SAMD4A: variants seen among roughly 807,000 people sequenced by gnomAD.
The protein encoded by SAMD4A is sterile alpha motif domain containing 4A, also known as protein Smaug homolog 1.
Under a neutral mutation model 81.3 loss-of-function variants are expected in SAMD4A, and 33 were observed. The observed-to-expected ratio is 0.41, with a 90% CI of 0.31 to 0.54. The LOEUF is 0.54. Ranked by LOEUF, SAMD4A falls within the 20% of genes least tolerant of loss-of-function variation. The pLI, the probability that SAMD4A is intolerant of heterozygous loss-of-function variation, is 0.37. For missense variants in SAMD4A, 854 were observed against 951.1 expected (o/e 0.90, Z 1.34); for synonymous variants, 389 against 382.1 (o/e 1.02, Z -0.21).
chr14:54,673,993 G>A (rs575789030), intron 2 of SAMD4A, among the ~76,000 whole-genome samples: 3 of 152,302 alleles, frequency 2.0e-5, no homozygotes, highest in African/African-American at 4.8e-5. Flanking sequence ...CAGACGCCAC[G>A]CTTAGGGCAC....
At chr14:54,731,704 A>G (rs1439899995) in intron 3 of SAMD4A, among the ~76,000 whole-genome samples, 1 of 152,202 alleles carries the variant, frequency 6.6e-6, no homozygotes, top group Non-Finnish European at 1.5e-5. Context: ...ATGAAGAGAG[A>G]CTAGCTTAGA....
chr14:54,678,828 G>A (rs973447170), intron 2 of SAMD4A, among the ~76,000 whole-genome samples: 17 of 152,268 alleles, frequency 1.1e-4, no homozygotes, highest in African/African-American at 3.8e-4. Flanking sequence ...GATTACAGGC[G>A]TGAGCCACCG....
intron 2 of SAMD4A, among the ~76,000 whole-genome samples, chr14:54,662,424 T>TC (rs1594783311): frequency 6.6e-6 from 1 of 151,584 alleles, no homozygotes; most frequent in Non-Finnish European, 1.5e-5. Context: ...ATTTTTTTTT[T>TC]CCTGAGACGG....
chr14:54,715,477 A>G (rs958665699), intron 3 of SAMD4A, among the ~76,000 whole-genome samples: 3 of 152,134 alleles, frequency 2.0e-5, no homozygotes, highest in Non-Finnish European at 2.9e-5. Flanking sequence ...TGTATTCAGC[A>G]TTAACTACAT....
intron 3 of SAMD4A, among the ~76,000 whole-genome samples, chr14:54,732,814 C>T (rs1002041247): frequency 6.6e-6 from 1 of 152,104 alleles, no homozygotes; most frequent in Non-Finnish European, 1.5e-5. Context: ...CATAAACCCC[C>T]TTATTTCTCA....
intron 11 of SAMD4A, chr14:54,784,241 G>A: frequency 2.2e-6 from 2 of 892,340 alleles, no homozygotes; most frequent in Non-Finnish European, 3.6e-6. Context: ...AGGGCAGGAG[G>A]TTGGCTGTTA....
chr14:54,715,038 G>C (rs2037084787), intron 3 of SAMD4A, among the ~76,000 whole-genome samples: 1 of 151,918 alleles, frequency 6.6e-6, no homozygotes, highest in Non-Finnish European at 1.5e-5. Context: ...TTATGAATAG[G>C]AATAGTTTTT....
At position 54,605,564 on chromosome 14, in the gene SAMD4A, G is replaced by A. The variant is rs541599093; in HGVS notation, c.196+37452G>A. ...ATGAGCAGGGAAACCTCACAGGGAT[G>A]AGAATACCTAAACTGACAATTCTCA... On this transcript the variant is annotated intron_variant, in intron 2 of 12. Coordinates refer to ENST00000554335, the MANE Select transcript of SAMD4A (RefSeq NM_015589.6). Among the ~76,000 whole-genome samples the A allele has an allele frequency of 3.3e-4, 50 of 152,292 alleles. 1 individual carries two copies. In the South Asian group the frequency reaches 6.8e-3, roughly 21 times the overall value.
At chr14:54,617,071 T>TA (rs1275663677) in intron 2 of SAMD4A, among the ~76,000 whole-genome samples, 1 of 152,188 alleles carries the variant, frequency 6.6e-6, no homozygotes, top group Non-Finnish European at 1.5e-5. Context: ...AATATATATT[T>TA]AAAAACCATG....
At chr14:54,784,326 C>T in intron 11 of SAMD4A, 1 of 1,546,470 alleles carries the variant, frequency 6.5e-7, no homozygotes, top group Non-Finnish European at 8.8e-7. Flanking sequence ...TTTTTAGTCT[C>T]CGTTTTGTTC....
At chr14:54,781,804 C>A (rs988477998) in intron 11 of SAMD4A, among the ~76,000 whole-genome samples, 1 of 152,254 alleles carries the variant, frequency 6.6e-6, no homozygotes, top group South Asian at 2.1e-4. Context: ...CCCCATACAG[C>A]TGAGGGTTCC....
intron 5 of SAMD4A, among the ~76,000 whole-genome samples, chr14:54,750,831 C>T (rs1298473563): frequency 6.6e-6 from 1 of 152,190 alleles, no homozygotes; most frequent in Non-Finnish European, 1.5e-5. Flanking sequence ...AAATTATCTT[C>T]TAAGGCTGTG....
chr14:54,576,280 CAT>C (rs1220254435), intron 2 of SAMD4A, among the ~76,000 whole-genome samples: 2 of 152,124 alleles, frequency 1.3e-5, no homozygotes, highest in Non-Finnish European at 2.9e-5. Context: ...GTGCACCAAA[CAT>C]GTGATTTAAA....
At chr14:54,617,812 T>C (rs1423974722) in intron 2 of SAMD4A, among the ~76,000 whole-genome samples, 1 of 152,180 alleles carries the variant, frequency 6.6e-6, no homozygotes. Flanking sequence ...TAACCATGCC[T>C]AGCTTGTGAA....
chr14:54,750,144 G>C (rs1188405103), intron 5 of SAMD4A, among the ~76,000 whole-genome samples: 1 of 152,074 alleles, frequency 6.6e-6, no homozygotes, highest in Non-Finnish European at 1.5e-5. Context: ...AAAAATCTAA[G>C]TCATCAGTTG....
Position 54,602,761 on chromosome 14 carries a change from C to A in SAMD4A, c.196+34649C>A, listed in dbSNP as rs534546540. The stretch of plus-strand genomic sequence containing the variant: ...TGTATACATATGTAACAAACCTGCA[C>A]GTTGTGCACATGTACCCTAGAACTT... On this transcript the variant is annotated intron_variant, in intron 2 of 12. Transcript: ENST00000554335. 1.9e-3 allele frequency among the ~76,000 whole-genome samples: 283 copies of A among 150,466 alleles called. 1 individual carries two copies. The Middle Eastern group carries it at 0.038, about 20-fold the overall frequency.
intron 3 of SAMD4A, among the ~76,000 whole-genome samples, chr14:54,722,044 C>T (rs1051719936): frequency 6.6e-6 from 1 of 152,136 alleles, no homozygotes; most frequent in Non-Finnish European, 1.5e-5. Context: ...ATAAAAATCA[C>T]AGAAATAAAT....
At chr14:54,733,137 A>G (rs2037600335) in intron 3 of SAMD4A, among the ~76,000 whole-genome samples, 2 of 152,214 alleles carry the variant, frequency 1.3e-5, no homozygotes, top group African/African-American at 4.8e-5. Context: ...AGTATGACCA[A>G]GTTTAAAACA....
chr14:54,654,479 T>G (rs2035476712), intron 2 of SAMD4A, among the ~76,000 whole-genome samples: 1 of 152,130 alleles, frequency 6.6e-6, no homozygotes, highest in African/African-American at 2.4e-5. Flanking sequence ...CACACTAGGA[T>G]TTTGTGATCT....
Sources: allele counts gnomAD v4.1 joint callset (sites outside exome capture counted in the v4.1 genomes callset), GRCh38; gene constraint gnomAD v4.1.1; transcripts MANE v1.5; gene names NCBI Gene and HGNC (gene_info 2026-07-23, HGNC 2026-07-21).